The following KANK1 variants were observed in gnomAD, a reference collection of about 807,000 sequenced individuals.
The protein encoded by KANK1 is KN motif and ankyrin repeat domains 1, also known as KN motif and ankyrin repeat domain-containing protein 1.
KANK1 carries 109 observed loss-of-function variants against 106.2 expected under a neutral mutation model. That is an observed-to-expected ratio of 1.03 (90% CI 0.88 to 1.20). KANK1 has a LOEUF of 1.20. KANK1 is among the 50% of genes most tolerant of loss of function. KANK1 has a pLI of 0.00. For synonymous variants in KANK1, 873 were observed against 652.2 expected, an observed-to-expected ratio of 1.34 and a Z score of -5.16; for missense variants, 2,399 against 1,710.7, an observed-to-expected ratio of 1.40 and a Z score of -7.10.
At chr9:699,737 A>G (rs570160482) in intron 2 of KANK1, among the ~76,000 whole-genome samples, 16 of 152,292 alleles carry the variant, frequency 1.1e-4, no homozygotes, top group Admixed American at 8.5e-4. Context: ...TAATGTTACA[A>G]TTTTATTTGC....
chr9:632,652 G>T (rs901724562), intron 1 of KANK1, among the ~76,000 whole-genome samples: 2 of 152,058 alleles, frequency 1.3e-5, no homozygotes, highest in Non-Finnish European at 2.9e-5. Flanking sequence ...CACATTATCT[G>T]CTTTGATCCT....
intron 1 of KANK1, among the ~76,000 whole-genome samples, chr9:604,003 T>C (rs940412875): frequency 3.4e-4 from 52 of 151,308 alleles, no homozygotes; most frequent in South Asian, 2.1e-3. Context: ...CTTACCATGC[T>C]TGGTTTCTTT....
At chr9:739,784 C>G (rs772713755) in intron 8 of KANK1, among the ~76,000 whole-genome samples, 8 of 151,998 alleles carry the variant, frequency 5.3e-5, no homozygotes, top group Non-Finnish European at 7.4e-5. Context: ...TACTGCTCCC[C>G]CTTCTAGGCT....
At chr9:494,369 T>G (rs994733273) in intron 3 of KANK1, among the ~76,000 whole-genome samples, 2 of 152,210 alleles carry the variant, frequency 1.3e-5, no homozygotes, top group African/African-American at 4.8e-5. Context: ...AATTATTTCA[T>G]GTATACCAAT....
At chr9:655,833 C>T (rs1588623967) in intron 1 of KANK1, among the ~76,000 whole-genome samples, 1 of 152,150 alleles carries the variant, frequency 6.6e-6, no homozygotes, top group African/African-American at 2.4e-5. Flanking sequence ...TTTGCTTCTC[C>T]CTACCTGCTT....
At chr9:491,520 G>GC (rs1181982107) in intron 3 of KANK1, among the ~76,000 whole-genome samples, 1 of 151,954 alleles carries the variant, frequency 6.6e-6, no homozygotes, top group African/African-American at 2.4e-5. Context: ...ACCCTCCTCG[G>GC]CCCCCCAAAG....
chr9:565,716 G>C (rs979895378), intron 1 of KANK1, among the ~76,000 whole-genome samples: 1 of 152,078 alleles, frequency 6.6e-6, no homozygotes, highest in East Asian at 1.9e-4. Context: ...TCAGCCAGTC[G>C]TCAAAAATGC....
intron 3 of KANK1, among the ~76,000 whole-genome samples, chr9:478,921 C>CTTT (rs59794020): frequency 1.5e-5 from 2 of 137,620 alleles, no homozygotes; most frequent in African/African-American, 5.4e-5. Flanking sequence ...ACATCCATTA[C>CTTT]TTTTTTTTTT....
intron 1 of KANK1, among the ~76,000 whole-genome samples, chr9:607,841 T>A (rs1444874412): frequency 6.6e-6 from 1 of 151,656 alleles, no homozygotes; most frequent in Non-Finnish European, 1.5e-5. Context: ...GTGGTAAAAT[T>A]AGGCCAATCT....
rs1402090681 is a variant in KANK1, at chr9:734,693, A to T, written c.3246-55A>T. 23 of 1,318,698 alleles carry T rather than the reference A, an allele frequency of 1.7e-5. 1 individual carries two copies. Among genetic ancestry groups the T allele is most frequent in the South Asian group, 3.6e-5 (3 of 83,364 alleles). 81.7% of individuals were successfully genotyped at this position (1,318,698 alleles called of 1,614,324 possible). A position where few individuals can be genotyped will look rare whatever the true frequency, so the allele number is the denominator to read the frequency against. On this transcript the variant is annotated intron_variant, in intron 6 of 11. Coordinates refer to ENST00000382297, the MANE Select transcript of KANK1 (RefSeq NM_015158.5). Reference sequence around the variant, plus strand: ...AAAAAAAATTAGATATTTGGGTTGAAATAAAAATGATTTTCTTCTTGTGAC... The same window carrying T: ...AAAAAAAATTAGATATTTGGGTTGATATAAAAATGATTTTCTTCTTGTGAC...
At chr9:589,257 G>T (rs1327760612) in intron 1 of KANK1, among the ~76,000 whole-genome samples, 1 of 152,164 alleles carries the variant, frequency 6.6e-6, no homozygotes, top group East Asian at 1.9e-4. Flanking sequence ...TGACTTGGAG[G>T]ATTAAGTGGC....
At chr9:510,639 A>G (rs1038244554) in intron 1 of KANK1, among the ~76,000 whole-genome samples, 5 of 152,210 alleles carry the variant, frequency 3.3e-5, no homozygotes, top group Non-Finnish European at 5.9e-5. Flanking sequence ...TGACCACTGG[A>G]CAGTGGGGTT....
At chr9:536,234 G>A (rs937835757) in intron 1 of KANK1, among the ~76,000 whole-genome samples, 6 of 152,106 alleles carry the variant, frequency 3.9e-5, no homozygotes, top group South Asian at 2.1e-4. Flanking sequence ...CCAGCTACTC[G>A]GGAAGCTGAG....
Position 738,587 on chromosome 9 carries a change from C to T in KANK1, c.3553+83C>T, listed in dbSNP as rs147578734. 6,572 of 1,034,334 alleles carry T rather than the reference C, an allele frequency of 6.4e-3. 28 individuals are homozygous for T. The highest frequency in any genetic ancestry group is 8.7e-3 in the Non-Finnish European group (5,782 of 665,504). The allele number at this position is 1,034,334 out of a possible 1,614,324, so 64.1% of individuals were successfully genotyped here. A position where few individuals can be genotyped will look rare whatever the true frequency, so the allele number is the denominator to read the frequency against. Reference sequence around the variant, plus strand: ...CTCAGAGAACCTGGTTGAGCCACTCCTGAATTCTCTGACCATGCTAAAATC... The same window carrying T: ...CTCAGAGAACCTGGTTGAGCCACTCTTGAATTCTCTGACCATGCTAAAATC... On this transcript the variant is annotated intron_variant, in intron 8 of 11. Coordinates refer to ENST00000382297, the MANE Select transcript of KANK1 (RefSeq NM_015158.5).
intron 3 of KANK1, among the ~76,000 whole-genome samples, chr9:726,679 G>T (rs949288094): frequency 9.2e-5 from 14 of 152,042 alleles, no homozygotes; most frequent in Admixed American, 3.9e-4. Context: ...TAAAAATAAG[G>T]CCAGGCGTGG....
At chr9:625,091 T>A (rs1043845469) in intron 1 of KANK1, among the ~76,000 whole-genome samples, 1 of 152,292 alleles carries the variant, frequency 6.6e-6, no homozygotes, top group East Asian at 1.9e-4. Context: ...TGTACAGCAG[T>A]TAGCACCGTT....
intron 1 of KANK1, among the ~76,000 whole-genome samples, chr9:576,271 C>T (rs1820532668): frequency 6.6e-6 from 1 of 152,178 alleles, no homozygotes; most frequent in South Asian, 2.1e-4. Context: ...AGTTTAAATG[C>T]TCAGGGCTGC....
intron 1 of KANK1, among the ~76,000 whole-genome samples, chr9:614,442 A>G (rs904289896): frequency 1.2e-4 from 18 of 152,152 alleles, no homozygotes; most frequent in African/African-American, 4.1e-4. Context: ...CATAAAGTTA[A>G]TGGTATTTTG....
chr9:626,922 C>T (rs987060326), intron 1 of KANK1, among the ~76,000 whole-genome samples: 4 of 152,146 alleles, frequency 2.6e-5, no homozygotes, highest in African/African-American at 9.7e-5. Context: ...TGGTGTTTTA[C>T]ACTGGTGTAC....
Sources: allele counts gnomAD v4.1 joint callset (sites outside exome capture counted in the v4.1 genomes callset), GRCh38; gene constraint gnomAD v4.1.1; transcripts MANE v1.5; gene names NCBI Gene and HGNC (gene_info 2026-07-23, HGNC 2026-07-21).